Variants in PACS1 observed in about 807,000 individuals in gnomAD.
PACS1 encodes the protein phosphofurin acidic cluster sorting protein 1.
In PACS1, 24 loss-of-function variants were observed where a neutral mutation model predicts 115.0. That is an observed-to-expected ratio of 0.21 (90% CI 0.15 to 0.29). PACS1 has a LOEUF of 0.29. PACS1 is among the 10% of genes least tolerant of loss of function. The pLI, the probability that PACS1 is intolerant of heterozygous loss-of-function variation, is 1.00. For synonymous variants in PACS1, 453 were observed against 504.5 expected (o/e 0.90, Z 1.37); for missense variants, 838 against 1,251.2 (o/e 0.67, Z 4.98).
chr11:66,216,318 A>G lies in PACS1; in HGVS notation c.805+55A>G. 12 of 1,601,740 alleles carry G rather than the reference A, an allele frequency of 7.5e-6. No homozygotes were observed. The South Asian group carries it at 1.2e-4, about 16-fold the overall frequency. On this transcript the variant is annotated intron_variant, in intron 5 of 23. Coordinates refer to ENST00000320580, the MANE Select transcript of PACS1 (RefSeq NM_018026.4). Reference sequence around the variant, plus strand: ...ACGAAGAGGGAGCCCATCCTGGGAAAGGTGAACAAGACAGTGCCTGAGATG... The same window carrying G: ...ACGAAGAGGGAGCCCATCCTGGGAAGGGTGAACAAGACAGTGCCTGAGATG...
chr11:66,109,768 T>C (rs1033071337), intron 1 of PACS1, among the ~76,000 whole-genome samples: 6 of 152,256 alleles, frequency 3.9e-5, no homozygotes, highest in African/African-American at 1.4e-4. Context: ...GTTGAACCTT[T>C]AGTTCTCTCT....
Position 66,219,961 on chromosome 11 carries a change from G to T in PACS1, c.1038+156G>T, listed in dbSNP as rs1270831594. 2.0e-5 allele frequency among the ~76,000 whole-genome samples: 3 copies of T among 151,926 alleles called. No individual in the cohort carries two copies. The East Asian group carries it at 5.8e-4, about 29-fold the overall frequency. ...TACCTGGTAGAGCCCTAAGGGAGAGGGTGGCTAAGAAGGACTTAAGCAAGC... is the reference window on the plus strand; with the variant it reads ...TACCTGGTAGAGCCCTAAGGGAGAGTGTGGCTAAGAAGGACTTAAGCAAGC... On this transcript the variant is annotated intron_variant, in intron 8 of 23. Coordinates refer to ENST00000320580, the MANE Select transcript of PACS1 (RefSeq NM_018026.4).
chr11:66,172,044 G>A (rs1203425479), intron 1 of PACS1, among the ~76,000 whole-genome samples: 1 of 152,138 alleles, frequency 6.6e-6, no homozygotes, highest in East Asian at 1.9e-4. Flanking sequence ...AATTCAGTCA[G>A]TTCCTCCCAC....
chr11:66,235,514 A>C lies in PACS1; in HGVS notation c.2207+111A>C. The C allele has an allele frequency of 1.2e-6, 1 of 802,418 alleles. No individual in the cohort carries two copies. Among genetic ancestry groups the C allele is most frequent in the South Asian group, 1.7e-5 (1 of 60,034 alleles). The allele number at this position is 802,418 out of a possible 1,614,324, so 49.7% of individuals were successfully genotyped here. ...TTCTCCACATGCTATATTCCTTCAT[A>C]GGAACCCAAAAGGATATGAGTGGTT... On this transcript the variant is annotated intron_variant, in intron 18 of 23. Transcript: ENST00000320580. The surrounding 1 kb of genome is among the most constrained non-coding windows in gnomAD (Gnocchi z 5.6).
At chr11:66,150,723 A>G (rs1859215409) in intron 1 of PACS1, among the ~76,000 whole-genome samples, 1 of 152,248 alleles carries the variant, frequency 6.6e-6, no homozygotes, top group South Asian at 2.1e-4. Context: ...GGAAATTTCC[A>G]TTAAGGGAGA....
intron 2 of PACS1, among the ~76,000 whole-genome samples, chr11:66,201,036 T>C (rs897757934): frequency 6.6e-6 from 1 of 151,720 alleles, no homozygotes; most frequent in Admixed American, 6.6e-5. Context: ...CTGGCCAAAA[T>C]GGTGACAGCC....
intron 1 of PACS1, among the ~76,000 whole-genome samples, chr11:66,098,606 C>G (rs72934632): frequency 6.6e-6 from 1 of 152,158 alleles, no homozygotes; most frequent in Non-Finnish European, 1.5e-5. Context: ...TGATAAAACC[C>G]TATTGTCCAA....
intron 1 of PACS1, among the ~76,000 whole-genome samples, chr11:66,095,760 A>T (rs957613837): frequency 5.3e-5 from 8 of 152,000 alleles, no homozygotes; most frequent in Non-Finnish European, 7.4e-5. Flanking sequence ...GCCCGGCCTC[A>T]TTATTGCTTT....
intron 1 of PACS1, among the ~76,000 whole-genome samples, chr11:66,117,404 G>C: frequency 6.7e-6 from 1 of 148,412 alleles, no homozygotes; most frequent in East Asian, 2.0e-4. Context: ...AGGTTGCAGT[G>C]AGCCGAGATC....
At chr11:66,131,143 A>G (rs1409728763) in intron 1 of PACS1, among the ~76,000 whole-genome samples, 1 of 152,174 alleles carries the variant, frequency 6.6e-6, no homozygotes, top group Non-Finnish European at 1.5e-5. Flanking sequence ...CTTGTACAAG[A>G]GTTTCTCTGG....
Position 66,235,990 on chromosome 11 carries a change from C to T in PACS1, c.2250+50C>T. 6.7e-7 allele frequency: 1 copy of T among 1,496,098 alleles called. No homozygotes were observed. The allele number at this position is 1,496,098 out of a possible 1,614,324, so 92.7% of individuals were successfully genotyped here. ...GCACCCCACCCGTTCTCCTGGTCTTCCTGTTCCCCCTTACACAGGAAAACA... is the reference window on the plus strand; with the variant it reads ...GCACCCCACCCGTTCTCCTGGTCTTTCTGTTCCCCCTTACACAGGAAAACA... On this transcript the variant is annotated intron_variant, in intron 19 of 23. Coordinates refer to ENST00000320580, the MANE Select transcript of PACS1 (RefSeq NM_018026.4). The surrounding 1 kb of genome is among the most constrained non-coding windows in gnomAD (Gnocchi z 5.6).
intron 2 of PACS1, among the ~76,000 whole-genome samples, chr11:66,202,428 AATC>A (rs1042271777): frequency 1.4e-4 from 21 of 152,180 alleles, no homozygotes; most frequent in African/African-American, 5.1e-4. Flanking sequence ...CTGATACAAA[AATC>A]ATCAAGAAAA....
chr11:66,217,077 C>A lies in PACS1; in HGVS notation c.978+302C>A, dbSNP rs1207149146. 6.2e-5 allele frequency: 25 copies of A among 402,754 alleles called. 1 individual carries two copies. The East Asian group carries it at 1.3e-3, about 21-fold the overall frequency. The allele number at this position is 402,754 out of a possible 1,614,324, so 24.9% of individuals were successfully genotyped here. On this transcript the variant is annotated intron_variant, in intron 7 of 23. Coordinates refer to ENST00000320580, the MANE Select transcript of PACS1 (RefSeq NM_018026.4). ...CCATCAGGGAACAGACCGCCTCCCACCCACTCCAGTGGCTGCTTCATGTCA... is the reference window on the plus strand; with the variant it reads ...CCATCAGGGAACAGACCGCCTCCCAACCACTCCAGTGGCTGCTTCATGTCA...
At position 66,180,053 on chromosome 11, in the gene PACS1, G is replaced by A. The variant is rs547264603; in HGVS notation, c.357-13433G>A. 3.9e-5 allele frequency among the ~76,000 whole-genome samples: 6 copies of A among 152,042 alleles called. No homozygotes were observed. In the South Asian group the frequency reaches 1.2e-3, roughly 32 times the overall value. On this transcript the variant is annotated intron_variant, in intron 1 of 23. Transcript: ENST00000320580. Reference sequence around the variant, plus strand: ...GATGGGGTTTCACCATGTTGGCCAAGCTGGTCTCAAACTCCTGATCTCAGG... The same window carrying A: ...GATGGGGTTTCACCATGTTGGCCAAACTGGTCTCAAACTCCTGATCTCAGG...
chr11:66,095,677 C>T (rs1038608568), intron 1 of PACS1, among the ~76,000 whole-genome samples: 2 of 152,172 alleles, frequency 1.3e-5, no homozygotes, highest in African/African-American at 2.4e-5. Flanking sequence ...AGGATGGTCT[C>T]GAACTCCTGA....
rs759638941 is a variant in PACS1, at chr11:66,220,701, A to G, written c.1109A>G (p.Tyr370Cys). The G allele has an allele frequency of 2.5e-6, 4 of 1,614,036 alleles. No homozygotes were observed. The highest frequency in any genetic ancestry group is 2.5e-6 in the Non-Finnish European group (3 of 1,180,022). The change falls in exon 9 of 24, where the codon TAT becomes TGT. Residue 370 changes from tyrosine to cysteine, a missense_variant. Physicochemically the swap from Tyr to Cys is radical, Grantham distance 194. Transcript: ENST00000320580. ...GTGGAAGAGGACTTGGATGAATTGT[A>G]TGACAGTCTGGAGATGTACAACCCC... ...REVEEDLDEL[Y>C]DSLEMYNPSD... is the part of the protein sequence containing the mutation.
chr11:66,147,312 T>C (rs1859150018), intron 1 of PACS1, among the ~76,000 whole-genome samples: 1 of 150,446 alleles, frequency 6.6e-6, no homozygotes, highest in Non-Finnish European at 1.5e-5. Context: ...AAACAAAGAC[T>C]AGGAATTGCT....
intron 1 of PACS1, among the ~76,000 whole-genome samples, chr11:66,084,838 T>C (rs1236882743): frequency 6.6e-6 from 1 of 152,244 alleles, no homozygotes. Context: ...GTTTCCACTT[T>C]TACCATTTGT....
intron 1 of PACS1, among the ~76,000 whole-genome samples, chr11:66,079,560 C>T (rs2134498777): frequency 6.6e-6 from 1 of 152,214 alleles, no homozygotes; most frequent in East Asian, 1.9e-4. Flanking sequence ...CCACCTTAGT[C>T]CTTCCCAGAA....
Sources: gnomAD v4.1 joint callset for allele counts (sites outside exome capture counted in the v4.1 genomes callset) on GRCh38, gnomAD v4.1.1 for gene constraint, Gnocchi (gnomAD v3.1) non-coding constraint, MANE v1.5 for transcripts, NCBI Gene and HGNC (gene_info 2026-07-23, HGNC 2026-07-21) for gene names.